The following BICD1 variants were observed in gnomAD, a reference collection of about 807,000 sequenced individuals.
BICD1 encodes the protein BICD cargo adaptor 1, also known as protein bicaudal D homolog 1.
A neutral mutation model predicts 92.5 loss-of-function variants in BICD1; 35 were observed. The ratio of observed to expected loss-of-function variants is 0.38; its 90% confidence interval spans 0.29 to 0.50. The LOEUF is 0.50. Ranked by LOEUF, BICD1 falls within the 20% of genes least tolerant of loss-of-function variation. The pLI is 0.93. For synonymous variants in BICD1, 429 were observed against 465.1 expected, an observed-to-expected ratio of 0.92 and a Z score of 1.00; for missense variants, 950 against 1,189.8, an observed-to-expected ratio of 0.80 and a Z score of 2.97.
intron 4 of BICD1, among the ~76,000 whole-genome samples, chr12:32,324,842 T>C (rs2650120): frequency 0.59 from 89,915 of 151,874 alleles, 27,149 homozygotes; most frequent in Middle Eastern, 0.69. Context: ...CCTCCCAAAG[T>C]GCTGGGATTA....
At chr12:32,210,787 A>G (rs1364209007) in intron 1 of BICD1, among the ~76,000 whole-genome samples, 1 of 152,256 alleles carries the variant, frequency 6.6e-6, no homozygotes, top group East Asian at 1.9e-4. Flanking sequence ...AACAAAATAT[A>G]ACTAGAAGCA....
At chr12:32,139,842 G>A (rs1942850998) in intron 1 of BICD1, among the ~76,000 whole-genome samples, 1 of 152,146 alleles carries the variant, frequency 6.6e-6, no homozygotes, top group Non-Finnish European at 1.5e-5. Context: ...TTACAGGCGT[G>A]AGCCACCGCT....
chr12:32,141,246 A>G (rs1942911005), intron 1 of BICD1, among the ~76,000 whole-genome samples: 1 of 152,220 alleles, frequency 6.6e-6, no homozygotes, highest in African/African-American at 2.4e-5. Flanking sequence ...CTTATTAGAT[A>G]TCAACTTAAA....
intron 4 of BICD1, 40 bp downstream of exon 4, chr12:32,306,162 T>G: frequency 4.0e-6 from 6 of 1,509,076 alleles, no homozygotes; most frequent in African/African-American, 1.4e-5. Context: ...GAATTTCTTG[T>G]AGATTGCAGG....
intron 8 of BICD1, among the ~76,000 whole-genome samples, chr12:32,346,733 A>G (rs1456163107): frequency 6.9e-6 from 1 of 145,490 alleles, no homozygotes; most frequent in African/African-American, 2.5e-5. Context: ...GAAATTCAGT[A>G]TTATGCACTT....
intron 1 of BICD1, among the ~76,000 whole-genome samples, chr12:32,124,715 C>T (rs1942267788): frequency 6.6e-6 from 1 of 151,998 alleles, no homozygotes; most frequent in South Asian, 2.1e-4. Context: ...AGAAGAGGGG[C>T]AAAGTCATTC....
intron 8 of BICD1, chr12:32,340,665 TTGTTA>T: frequency 1.4e-5 from 5 of 351,434 alleles, no homozygotes; most frequent in Non-Finnish European, 1.6e-5. Flanking sequence ...ATACTTTATA[TTGTTA>T]TCATTACATT....
At chr12:32,108,412 G>A (rs1305264676) in intron 1 of BICD1, 2 of 326,098 alleles carry the variant, frequency 6.1e-6, no homozygotes, top group African/African-American at 4.3e-5. Flanking sequence ...AACGTGCTTT[G>A]ATTTCCTATC....
At chr12:32,272,825 T>G (rs1947178292) in intron 2 of BICD1, among the ~76,000 whole-genome samples, 1 of 152,240 alleles carries the variant, frequency 6.6e-6, no homozygotes, top group African/African-American at 2.4e-5. Flanking sequence ...AAGTTTATTT[T>G]GAGTCACATG....
chr12:32,346,233 A>G (rs1938560601), intron 8 of BICD1, among the ~76,000 whole-genome samples: 1 of 151,830 alleles, frequency 6.6e-6, no homozygotes, highest in Non-Finnish European at 1.5e-5. Flanking sequence ...TGATCATTTC[A>G]ACATGGAATT....
chr12:32,333,168 A>G, intron 5 of BICD1: 1 of 984,476 alleles, frequency 1.0e-6, no homozygotes. Context: ...CAACTTAAAC[A>G]TACTTTTCTG....
intron 4 of BICD1, among the ~76,000 whole-genome samples, chr12:32,307,659 G>C (rs1948266444): frequency 6.6e-6 from 1 of 152,176 alleles, no homozygotes; most frequent in African/African-American, 2.4e-5. Context: ...ATGATGACTG[G>C]AAAAGTGAAA....
chr12:32,153,610 G>A lies in BICD1; in HGVS notation c.213+46066G>A, dbSNP rs1943352336. 2.0e-5 allele frequency among the ~76,000 whole-genome samples: 3 copies of A among 152,008 alleles called. No individual in the cohort carries two copies. The South Asian group carries it at 6.2e-4, about 32-fold the overall frequency. ...CATCTCTACAAAAAATACAAAACTA[G>A]CCAGGCATGATGGCGTGCACCTGTA... is the stretch of plus-strand genomic sequence containing the variant. On this transcript the variant is annotated intron_variant, in intron 1 of 9. Transcript: ENST00000652176.
chr12:32,286,400 C>T (rs1947567835), intron 2 of BICD1, among the ~76,000 whole-genome samples: 1 of 151,774 alleles, frequency 6.6e-6, no homozygotes, highest in South Asian at 2.1e-4. Flanking sequence ...ATATCATTCA[C>T]TCAGTTGATA....
chr12:32,126,109 C>T (rs928218723), intron 1 of BICD1, among the ~76,000 whole-genome samples: 1 of 150,308 alleles, frequency 6.7e-6, no homozygotes, highest in East Asian at 2.0e-4. Context: ...AATGCATTTG[C>T]TGAATCAGTA....
intron 1 of BICD1, among the ~76,000 whole-genome samples, chr12:32,117,735 CATATAT>C (rs71064997): frequency 9.7e-4 from 131 of 134,518 alleles, no homozygotes; most frequent in African/African-American, 3.4e-3. Context: ...CACACACACA[CATATAT>C]ATATATATAT....
intron 4 of BICD1, among the ~76,000 whole-genome samples, chr12:32,306,725 G>C (rs574995978): frequency 6.6e-6 from 1 of 151,936 alleles, no homozygotes; most frequent in Non-Finnish European, 1.5e-5. Flanking sequence ...ACAGAAAAAA[G>C]TTCCTTGGGC....
intron 2 of BICD1, among the ~76,000 whole-genome samples, chr12:32,239,282 G>T (rs1425787301): frequency 2.3e-5 from 3 of 128,242 alleles, no homozygotes; most frequent in Non-Finnish European, 5.0e-5. Flanking sequence ...AAAGGAAATT[G>T]TTGGCCGGGC....
chr12:32,340,135 C>A (rs1938308614), intron 8 of BICD1: 1 of 985,128 alleles, frequency 1.0e-6, no homozygotes, highest in Admixed American at 6.2e-5. Flanking sequence ...CAAACCTCAG[C>A]CTTTGGATCT....
Sources: allele counts gnomAD v4.1 joint callset (sites outside exome capture counted in the v4.1 genomes callset), GRCh38; gene constraint gnomAD v4.1.1; transcripts MANE v1.5; gene names NCBI Gene and HGNC (gene_info 2026-07-23, HGNC 2026-07-21).